Variants in PRAG1 observed in about 807,000 individuals in gnomAD.
PRAG1 encodes inactive tyrosine-protein kinase PRAG1.
In PRAG1, 110 loss-of-function variants were observed where a neutral mutation model predicts 95.6. That is an observed-to-expected ratio of 1.15 (90% confidence interval 0.99 to 1.35). The LOEUF (loss-of-function observed/expected upper bound fraction) is 1.35. Among genes scored for constraint, PRAG1 ranks in the 40% most tolerant of loss-of-function variants. The pLI, the probability that PRAG1 is intolerant of heterozygous loss-of-function variation, is 0.00. For synonymous variants in PRAG1, 1,052 were observed against 819.4 expected (o/e 1.28, Z -4.85); for missense variants, 2,554 against 1,864.7 (o/e 1.37, Z -6.81).
At chr8:8,336,106 A>G (rs1168173199) in intron 4 of PRAG1, among the ~76,000 whole-genome samples, 3 of 152,192 alleles carry the variant, frequency 2.0e-5, no homozygotes, top group Non-Finnish European at 4.4e-5. Context: ...GAATATCTAT[A>G]TGAACTGTAT....
intron 3 of PRAG1, among the ~76,000 whole-genome samples, chr8:8,371,385 C>T (rs1172024022): frequency 5.9e-5 from 9 of 151,722 alleles, no homozygotes; most frequent in African/African-American, 1.4e-4. Context: ...CTCAGCCTCC[C>T]GAGTAGCTGG....
At chr8:8,332,148 T>C (rs1186589913) in intron 4 of PRAG1, among the ~76,000 whole-genome samples, 1 of 146,694 alleles carries the variant, frequency 6.8e-6, no homozygotes, top group East Asian at 2.0e-4. Context: ...CTGGGCATTA[T>C]CTACACATAT....
chr8:8,347,826 T>TTTATTTTTTGAGGCAAAGTCTCACTC (rs1799395618), intron 3 of PRAG1, among the ~76,000 whole-genome samples: 1 of 151,940 alleles, frequency 6.6e-6, no homozygotes. Context: ...TCTTTTTTTT[T>TTTATTTTTTGAGGCAAAGTCTCACTC]TATTTTTTGA....
rs372912459 is a variant in PRAG1, at chr8:8,377,896, G to C, written c.513C>G (p.Gly171=). The part of the protein sequence containing the change: ...MVGLHNLEPR[G]ERNIAFHPVS... ...CCGGGTGGAAGGCAATGTTCCTCTC[G>C]CCGCGGGGCTCAAGGTTGTGCAGGC... Residue 171 remains glycine (G), a synonymous_variant, in exon 3 of 6, where the codon GGC becomes GGG. Transcript: ENST00000615670. 2.5e-6 allele frequency: 4 copies of C among 1,613,946 alleles called. No homozygotes were observed. The highest frequency in any genetic ancestry group is 1.3e-5 in the African/African-American group (1 of 74,910).
Position 8,367,458 on chromosome 8 carries a change from C to CAAAAAA in PRAG1, c.2162+8783_2162+8788dup, listed in dbSNP as rs1158165514. On this transcript the variant is annotated intron_variant, in intron 3 of 5. Transcript: ENST00000615670. ...AGGTGAAAGGAGCAAGACTCCATCTCAAAAAAAAAAAAAAAAAAAAAAAAA... is the reference window on the plus strand; with the variant it reads ...AGGTGAAAGGAGCAAGACTCCATCTCAAAAAAAAAAAAAAAAAAAAAAAAAAAAAAA... Among the ~76,000 whole-genome samples the CAAAAAA allele has an allele frequency of 2.3e-4, 6 of 26,250 alleles. 1 individual carries two copies. The highest frequency in any genetic ancestry group is 3.2e-4 in the Non-Finnish European group (5 of 15,726). 17.2% of individuals were successfully genotyped at this position (26,250 alleles called of 152,430 possible).
chr8:8,354,984 T>A (rs1252760749), intron 3 of PRAG1, among the ~76,000 whole-genome samples: 1 of 151,986 alleles, frequency 6.6e-6, no homozygotes, highest in African/African-American at 2.4e-5. Context: ...AGAAGTAAAA[T>A]TATCCGTATT....
chr8:8,318,865 C>CGGGGCG lies in PRAG1; in HGVS notation c.3504_3509dup (p.Pro1174_Ala1175dup), dbSNP rs143409664. The CGGGGCG allele has an allele frequency of 2.7e-4, 271 of 999,002 alleles. No homozygotes were observed. The highest frequency in any genetic ancestry group is 7.2e-4 in the Middle Eastern group (2 of 2,780). 61.9% of individuals were successfully genotyped at this position (999,002 alleles called of 1,614,324 possible). ...GCGCGGCGGCGGCGGGGGCGGGAGC[C>CGGGGCG]GGGGCGGGGGCGGGGGCGGGCCCGG... On this transcript the variant is annotated inframe_insertion, in exon 6 of 6. Coordinates refer to ENST00000615670, the MANE Select transcript of PRAG1 (RefSeq NM_001080826.3). The surrounding 1 kb of genome is among the most constrained non-coding windows in gnomAD (Gnocchi z 4.2).
At chr8:8,358,063 T>A (rs1799734933) in intron 3 of PRAG1, among the ~76,000 whole-genome samples, 1 of 152,136 alleles carries the variant, frequency 6.6e-6, no homozygotes, top group Non-Finnish European at 1.5e-5. Flanking sequence ...TCCCCCTACT[T>A]CCAATGCCAA....
chr8:8,330,226 C>T (rs13264330), intron 4 of PRAG1, among the ~76,000 whole-genome samples: 34 of 152,018 alleles, frequency 2.2e-4, no homozygotes, highest in African/African-American at 7.7e-4. Context: ...ATTAGCTGGG[C>T]GTGGTGGTGC....
intron 4 of PRAG1, among the ~76,000 whole-genome samples, chr8:8,331,876 G>A (rs2979219): frequency 0.22 from 33,061 of 151,998 alleles, 4,069 homozygotes; most frequent in African/African-American, 0.34. Context: ...ATCTGACAAG[G>A]GGTACTAGGT....
At chr8:8,372,275 C>T (rs1800235377) in intron 3 of PRAG1, among the ~76,000 whole-genome samples, 2 of 152,226 alleles carry the variant, frequency 1.3e-5, no homozygotes, top group Admixed American at 6.5e-5. Context: ...CCGCCTTGGC[C>T]TCCCTAAGTG....
intron 3 of PRAG1, among the ~76,000 whole-genome samples, chr8:8,362,051 C>G (rs898361415): frequency 1.3e-5 from 2 of 152,232 alleles, no homozygotes; most frequent in African/African-American, 2.4e-5. Context: ...ACCTCACGCA[C>G]TTGAGGTTTC....
chr8:8,378,013 G>C lies in PRAG1; in HGVS notation c.396C>G (p.Tyr132Ter), dbSNP rs55993234. 1.3e-6 allele frequency: 2 copies of C among 1,590,052 alleles called. No individual in the cohort carries two copies. Among genetic ancestry groups the C allele is most frequent in the Admixed American group, 1.7e-5 (1 of 57,840 alleles). ...TCTGTACACCTCGGAAGCTGCCCAGGTAGACGACGGGGGCATCCTCCTGCT... is the reference window on the plus strand; with the variant it reads ...TCTGTACACCTCGGAAGCTGCCCAGCTAGACGACGGGGGCATCCTCCTGCT... ...LPKQEDAPVV[Y>*]LGSFRGVQKP... The change falls in exon 3 of 6, where the codon TAC (tyrosine) becomes TAG (stop). Residue 132 changes from tyrosine to a stop codon, truncating the protein, a stop_gained. Transcript: ENST00000615670. LOFTEE classifies it high-confidence loss of function.
Position 8,376,145 on chromosome 8 carries a change from G to C in PRAG1, c.2162+102C>G. ...ATAAAGGCACAAGGGCCTTTGGGCAGATTCTGGGACCTGGGCCTGAAAGCT... is the reference window on the plus strand; with the variant it reads ...ATAAAGGCACAAGGGCCTTTGGGCACATTCTGGGACCTGGGCCTGAAAGCT... On this transcript the variant is annotated intron_variant, in intron 3 of 5. Coordinates refer to ENST00000615670, the MANE Select transcript of PRAG1 (RefSeq NM_001080826.3). 6 of 1,481,916 alleles carry C rather than the reference G, an allele frequency of 4.0e-6. No individual in the cohort carries two copies. The South Asian group carries it at 5.4e-5, about 13-fold the overall frequency. 91.8% of individuals were successfully genotyped at this position (1,481,916 alleles called of 1,614,324 possible).
chr8:8,365,805 T>TATATAC (rs769590184), intron 3 of PRAG1, among the ~76,000 whole-genome samples: 5 of 149,866 alleles, frequency 3.3e-5, no homozygotes, highest in South Asian at 2.1e-4. Context: ...TATATATATA[T>TATATAC]ACACACACAT....
Position 8,371,119 on chromosome 8 carries a change from G to C in PRAG1, c.2162+5128C>G, listed in dbSNP as rs535464841. Among the ~76,000 whole-genome samples the C allele has an allele frequency of 2.2e-3, 291 of 130,392 alleles. 1 individual carries two copies. Among genetic ancestry groups the C allele is most frequent in the African/African-American group, 8.5e-3 (280 of 33,030 alleles). The allele number at this position is 130,392 out of a possible 152,430, so 85.5% of individuals were successfully genotyped here. On this transcript the variant is annotated intron_variant, in intron 3 of 5. Coordinates refer to ENST00000615670, the MANE Select transcript of PRAG1 (RefSeq NM_001080826.3). ...CCACTGTACTCCAGCCTGAGCGACA[G>C]AGATTCTGTCTCAAAAAAAAAAAAA...
chr8:8,340,606 C>A (rs1340032035), intron 3 of PRAG1, among the ~76,000 whole-genome samples: 3 of 152,244 alleles, frequency 2.0e-5, no homozygotes, highest in African/African-American at 7.2e-5. Flanking sequence ...ACTGATTTGG[C>A]ATCAGAACTG....
intron 5 of PRAG1, among the ~76,000 whole-genome samples, chr8:8,325,235 C>G (rs1798597218): frequency 6.6e-6 from 1 of 152,228 alleles, no homozygotes; most frequent in Non-Finnish European, 1.5e-5. Flanking sequence ...ACGGCCCGCC[C>G]CCCCAATGAC....
Position 8,376,712 on chromosome 8 carries a change from G to A in PRAG1, c.1697C>T (p.Pro566Leu), listed in dbSNP as rs1214867741. The change falls in exon 3 of 6, where the codon CCA becomes CTA. Residue 566 changes from proline (P) to leucine (L), a missense_variant. Physicochemically the swap from Pro to Leu is moderately conservative, Grantham distance 98. Coordinates refer to ENST00000615670, the MANE Select transcript of PRAG1 (RefSeq NM_001080826.3). ...ACTAAGGTCAGCCAGCGGTGACACT[G>A]GGGGCCCTCCAGCAGACGGTGACAC... ...SPVSPSAGGPPVSPLADLSDG... is the reference protein window; with the variant it reads ...SPVSPSAGGPLVSPLADLSDG... 5.6e-6 allele frequency: 9 copies of A among 1,610,334 alleles called. No individual in the cohort carries two copies. Among genetic ancestry groups the A allele is most frequent in the African/African-American group, 1.3e-5 (1 of 74,912 alleles).
Sources: allele counts gnomAD v4.1 joint callset (sites outside exome capture counted in the v4.1 genomes callset), GRCh38; gene constraint gnomAD v4.1.1; non-coding constraint Gnocchi (gnomAD v3.1); transcripts MANE v1.5; gene names NCBI Gene and HGNC (gene_info 2026-07-23, HGNC 2026-07-21).